The following AJAP1 variants were observed in gnomAD, a reference collection of about 807,000 sequenced individuals.
AJAP1 encodes adherens junctions associated protein 1.
Under a neutral mutation model 35.0 loss-of-function variants are expected in AJAP1, and 5 were observed. That is an observed-to-expected ratio of 0.14 (90% CI 0.07 to 0.30). AJAP1 has a LOEUF of 0.30. Ranked by LOEUF, AJAP1 falls within the 10% of genes least tolerant of loss-of-function variation. The pLI is 1.00. For synonymous variants in AJAP1, 284 were observed against 249.3 expected, an observed-to-expected ratio of 1.14 and a Z score of -1.31; for missense variants, 586 against 571.0, an observed-to-expected ratio of 1.03 and a Z score of -0.27.
chr1:4,755,078 C>A (rs557378546), intron 2 of AJAP1, among the ~76,000 whole-genome samples: 2 of 152,274 alleles, frequency 1.3e-5, no homozygotes, highest in African/African-American at 2.4e-5. Flanking sequence ...CCCATGGAGC[C>A]GTGGTTGGGT....
intron 2 of AJAP1, among the ~76,000 whole-genome samples, chr1:4,727,957 C>A (rs1347713835): frequency 6.6e-6 from 1 of 152,232 alleles, no homozygotes; most frequent in Non-Finnish European, 1.5e-5. Context: ...CACAGCCCAG[C>A]CCCAGGTGGT....
chr1:4,711,953 T>C lies in AJAP1; in HGVS notation c.83T>C (p.Leu28Pro). 6.4e-7 allele frequency: 1 copy of C among 1,574,014 alleles called. No homozygotes were observed. The highest frequency in any genetic ancestry group is 2.4e-5 in the East Asian group (1 of 41,236). Reference protein sequence around the residue: ...GRPLGSHAWILIAMFQLAVDL... With the variant: ...GRPLGSHAWIPIAMFQLAVDL... ...CCCCTCGGAAGCCATGCCTGGATACTGATAGCCATGTTTCAGCTCGCCGTG... is the reference window on the plus strand; with the variant it reads ...CCCCTCGGAAGCCATGCCTGGATACCGATAGCCATGTTTCAGCTCGCCGTG... The change falls in exon 2 of 6, where the codon CTG becomes CCG. Residue 28 changes from leucine (L) to proline (P), a missense_variant. Transcript: ENST00000378191.
intron 2 of AJAP1, among the ~76,000 whole-genome samples, chr1:4,759,003 G>A (rs1641504263): frequency 6.6e-6 from 1 of 152,210 alleles, no homozygotes; most frequent in Admixed American, 6.5e-5. Context: ...GCTCAGGTCG[G>A]GATGCAGGTT....
chr1:4,774,861 G>A (rs1422460414), intron 5 of AJAP1, among the ~76,000 whole-genome samples: 4 of 152,002 alleles, frequency 2.6e-5, no homozygotes, highest in South Asian at 2.1e-4. Flanking sequence ...CACCACATGC[G>A]TGGCCTACGT....
At chr1:4,775,818 G>A (rs939769182) in intron 5 of AJAP1, among the ~76,000 whole-genome samples, 1 of 152,214 alleles carries the variant, frequency 6.6e-6, no homozygotes, top group African/African-American at 2.4e-5. Context: ...TCAGTGGGGG[G>A]ATGTGCAGCC....
intron 2 of AJAP1, among the ~76,000 whole-genome samples, chr1:4,735,161 G>A (rs1570171842): frequency 6.6e-6 from 1 of 152,248 alleles, no homozygotes; most frequent in Non-Finnish European, 1.5e-5. Flanking sequence ...ACAAAAGCCT[G>A]CCACAGCACG....
intron 1 of AJAP1, among the ~76,000 whole-genome samples, chr1:4,672,711 A>T (rs1373838878): frequency 1.3e-5 from 2 of 152,208 alleles, no homozygotes; most frequent in Non-Finnish European, 2.9e-5. Flanking sequence ...TCCCAGGCAG[A>T]TTCCATCCCT....
intron 1 of AJAP1, among the ~76,000 whole-genome samples, chr1:4,687,645 C>T (rs190700636): frequency 1.3e-5 from 2 of 152,144 alleles, no homozygotes; most frequent in Admixed American, 6.5e-5. Flanking sequence ...TGTGATGACT[C>T]GAGCCACAGC....
chr1:4,731,173 C>T (rs1182016554), intron 2 of AJAP1, among the ~76,000 whole-genome samples: 3 of 152,170 alleles, frequency 2.0e-5, no homozygotes, highest in African/African-American at 7.2e-5. Flanking sequence ...CTCCGCCTTC[C>T]GGGTTCAAGC....
intron 3 of AJAP1, among the ~76,000 whole-genome samples, chr1:4,770,688 A>G (rs887266208): frequency 3.5e-5 from 5 of 142,712 alleles, no homozygotes; most frequent in African/African-American, 9.9e-5. Flanking sequence ...GCACACAGCC[A>G]TATGAATCAG....
chr1:4,749,003 G>A (rs1227387502), intron 2 of AJAP1, among the ~76,000 whole-genome samples: 2 of 152,208 alleles, frequency 1.3e-5, no homozygotes, highest in African/African-American at 2.4e-5. Context: ...AACCGCAGGA[G>A]TGGACTGAGC....
At chr1:4,753,654 C>A (rs1162810164) in intron 2 of AJAP1, among the ~76,000 whole-genome samples, 1 of 152,178 alleles carries the variant, frequency 6.6e-6, no homozygotes, top group Non-Finnish European at 1.5e-5. Context: ...CTCACCGCAA[C>A]CTCCGCCTCC....
chr1:4,679,844 T>TGTGC (rs1557605888), intron 1 of AJAP1, among the ~76,000 whole-genome samples: 1 of 131,964 alleles, frequency 7.6e-6, no homozygotes, highest in Non-Finnish European at 1.7e-5. Context: ...TGTGTGTGTG[T>TGTGC]GTGTGTGTAG....
At chr1:4,740,717 A>T (rs1179083194) in intron 2 of AJAP1, among the ~76,000 whole-genome samples, 1 of 131,292 alleles carries the variant, frequency 7.6e-6, no homozygotes, top group Non-Finnish European at 1.6e-5. Context: ...ACCCGGGAGG[A>T]GGAGCTTACA....
chr1:4,669,343 G>T (rs1426234255), intron 1 of AJAP1, among the ~76,000 whole-genome samples: 2 of 152,188 alleles, frequency 1.3e-5, no homozygotes, highest in Non-Finnish European at 2.9e-5. Flanking sequence ...CCGAGACTGG[G>T]TAATTTATAA....
At chr1:4,683,141 T>A (rs994501114) in intron 1 of AJAP1, among the ~76,000 whole-genome samples, 1 of 152,168 alleles carries the variant, frequency 6.6e-6, no homozygotes, top group African/African-American at 2.4e-5. Flanking sequence ...GTAATCTTGG[T>A]TGTAGTACTC....
At chr1:4,678,412 C>T (rs1171427499) in intron 1 of AJAP1, among the ~76,000 whole-genome samples, 4 of 152,158 alleles carry the variant, frequency 2.6e-5, no homozygotes, top group Non-Finnish European at 4.4e-5. Context: ...AAGGCTGAAA[C>T]CAGATGTTGG....
At chr1:4,685,999 C>A (rs544647644) in intron 1 of AJAP1, among the ~76,000 whole-genome samples, 1 of 152,356 alleles carries the variant, frequency 6.6e-6, no homozygotes, top group East Asian at 1.9e-4. Flanking sequence ...TAGTGATCAT[C>A]TCCTGTTTTC....
chr1:4,715,915 T>G lies in AJAP1; in HGVS notation c.829+3216T>G, dbSNP rs1009898850. Among the ~76,000 whole-genome samples, 7 of 152,314 alleles carry G rather than the reference T, an allele frequency of 4.6e-5. No homozygotes were observed. In the South Asian group the frequency reaches 8.3e-4, roughly 18 times the overall value. On this transcript the variant is annotated intron_variant, in intron 2 of 5. Coordinates refer to ENST00000378191, the MANE Select transcript of AJAP1 (RefSeq NM_018836.4). Reference sequence around the variant, plus strand: ...AGACACAGCCAGCTTTGCCACATACTGGGGGGCACCCCAAAATTTGGAATT... The same window carrying G: ...AGACACAGCCAGCTTTGCCACATACGGGGGGGCACCCCAAAATTTGGAATT...
Sources: allele counts gnomAD v4.1 joint callset (sites outside exome capture counted in the v4.1 genomes callset), GRCh38; gene constraint gnomAD v4.1.1; transcripts MANE v1.5; gene names NCBI Gene and HGNC (gene_info 2026-07-23, HGNC 2026-07-21).